Variants in AMPH observed in about 807,000 individuals in gnomAD.
AMPH encodes amphiphysin.
A neutral mutation model predicts 99.1 loss-of-function variants in AMPH; 49 were observed. That is an observed-to-expected ratio of 0.49 (90% CI 0.39 to 0.63). The LOEUF is 0.63. AMPH is among the 20% of genes least tolerant of loss of function. The pLI is 0.00. For synonymous variants in AMPH, 314 were observed against 317.3 expected (o/e 0.99, Z 0.11); for missense variants, 759 against 863.4 (o/e 0.88, Z 1.52).
At chr7:38,458,886 A>G (rs1056105084) in intron 11 of AMPH, among the ~76,000 whole-genome samples, 5 of 152,192 alleles carry the variant, frequency 3.3e-5, no homozygotes, top group Non-Finnish European at 5.9e-5. Context: ...GGCAAGATAA[A>G]GAAATAAAAG....
At chr7:38,439,620 G>A (rs3778884) in intron 11 of AMPH, among the ~76,000 whole-genome samples, 50,239 of 151,982 alleles carry the variant, frequency 0.33, 8,405 homozygotes, top group Admixed American at 0.39. Context: ...CACATGGTAT[G>A]GTCTCAACAT....
chr7:38,577,680 AAAG>A (rs556999469), intron 1 of AMPH, among the ~76,000 whole-genome samples: 18 of 151,954 alleles, frequency 1.2e-4, no homozygotes, highest in Non-Finnish European at 2.1e-4. Flanking sequence ...AGAAAGAAAA[AAAG>A]AGAAAGAGGG....
chr7:38,588,706 GAA>G (rs1037691277), intron 1 of AMPH, among the ~76,000 whole-genome samples: 1 of 149,324 alleles, frequency 6.7e-6, no homozygotes, highest in African/African-American at 2.5e-5. Flanking sequence ...GTATTTATTA[GAA>G]AAAAAAAGAT....
intron 11 of AMPH, among the ~76,000 whole-genome samples, chr7:38,447,775 CA>C (rs773953444): frequency 1.3e-4 from 20 of 149,678 alleles, no homozygotes; most frequent in East Asian, 1.9e-4. Context: ...CACACACACA[CA>C]CACCCATACA....
intron 11 of AMPH, among the ~76,000 whole-genome samples, chr7:38,444,749 G>A (rs1205917886): frequency 1.3e-5 from 2 of 150,384 alleles, no homozygotes; most frequent in Non-Finnish European, 1.5e-5. Flanking sequence ...TTGTGGTACA[G>A]CAGCCCAGGA....
intron 12 of AMPH, among the ~76,000 whole-genome samples, chr7:38,433,389 T>C (rs1245334078): frequency 6.6e-6 from 1 of 152,194 alleles, no homozygotes; most frequent in African/African-American, 2.4e-5. Context: ...GTTTTCTGAT[T>C]ATCTAGATGA....
chr7:38,403,664 C>T (rs956017054), intron 17 of AMPH, among the ~76,000 whole-genome samples: 3 of 152,172 alleles, frequency 2.0e-5, no homozygotes, highest in African/African-American at 2.4e-5. Context: ...GAGGCCGCCC[C>T]GAGGGAAGGG....
At chr7:38,551,331 C>G (rs996505907) in intron 1 of AMPH, among the ~76,000 whole-genome samples, 1 of 152,220 alleles carries the variant, frequency 6.6e-6, no homozygotes, top group African/African-American at 2.4e-5. Flanking sequence ...AATCCCTCCT[C>G]AGCAAGTGGC....
At chr7:38,441,918 G>A (rs1786571648) in intron 11 of AMPH, among the ~76,000 whole-genome samples, 1 of 130,318 alleles carries the variant, frequency 7.7e-6, no homozygotes, top group South Asian at 2.5e-4. Flanking sequence ...GGAATACTAT[G>A]CAGCCATAAA....
chr7:38,525,258 G>GTATATATATATATATATATA (rs141925117), intron 2 of AMPH, among the ~76,000 whole-genome samples: 2 of 111,210 alleles, frequency 1.8e-5, no homozygotes, highest in African/African-American at 4.0e-5. Flanking sequence ...GTGTGTGTGT[G>GTATATATATATATATATATA]TATATATATA....
intron 2 of AMPH, among the ~76,000 whole-genome samples, chr7:38,526,868 A>AT (rs916564962): frequency 4.6e-5 from 7 of 152,114 alleles, no homozygotes; most frequent in Non-Finnish European, 5.9e-5. Flanking sequence ...ATTTTCTCCT[A>AT]TTTTTTCCCA....
At position 38,441,814 on chromosome 7, in the gene AMPH, T is replaced by TATATGATAG. The variant is rs1359200946; in HGVS notation, c.1018-5427_1018-5426insCTATCATAT. ...TCATATATATCATATATATATCATA[T>TATATGATAG]ATATCATATATCATATATATCATAT... is the stretch of plus-strand genomic sequence containing the variant. On this transcript the variant is annotated intron_variant, in intron 11 of 20. Transcript: ENST00000356264. Among the ~76,000 whole-genome samples, 388 of 76,322 alleles carry TATATGATAG rather than the reference T, an allele frequency of 5.1e-3. 18 individuals are homozygous for TATATGATAG. Among genetic ancestry groups the TATATGATAG allele is most frequent in the African/African-American group, 0.017 (364 of 21,038 alleles). 50.1% of individuals were successfully genotyped at this position (76,322 alleles called of 152,430 possible).
At chr7:38,440,512 T>C (rs1402031589) in intron 11 of AMPH, among the ~76,000 whole-genome samples, 1 of 152,160 alleles carries the variant, frequency 6.6e-6, no homozygotes, top group Non-Finnish European at 1.5e-5. Flanking sequence ...TAACTATATG[T>C]GAGTTTTTAT....
At chr7:38,581,033 T>C (rs992155898) in intron 1 of AMPH, among the ~76,000 whole-genome samples, 1 of 152,214 alleles carries the variant, frequency 6.6e-6, no homozygotes, top group Non-Finnish European at 1.5e-5. Flanking sequence ...TTTCCATTCA[T>C]TCATTCACTT....
At chr7:38,580,624 C>T (rs140166193) in intron 1 of AMPH, among the ~76,000 whole-genome samples, 2 of 152,070 alleles carry the variant, frequency 1.3e-5, no homozygotes, top group Non-Finnish European at 2.9e-5. Context: ...CATATCAGTG[C>T]TATGACCTGA....
In AMPH at chr7:38,461,379, A is replaced by C. The variant is rs774321973; in HGVS notation, c.921T>G (p.Pro307=). The stretch of plus-strand genomic sequence containing the variant: ...GCAGTTCCTTTGTCGGGGTGACTTT[A>C]GGTAGAGGTGGGACAGGAGGCCCTT... ...TRKGPPVPPL[P]KVTPTKELQQ... Residue 307 remains proline, a synonymous_variant, in exon 11 of 21, where the codon CCT becomes CCG. Transcript: ENST00000356264. The C allele has an allele frequency of 1.9e-6, 3 of 1,614,174 alleles. No homozygotes were observed. Among genetic ancestry groups the C allele is most frequent in the Non-Finnish European group, 2.5e-6 (3 of 1,179,990 alleles).
chr7:38,435,992 C>T (rs928402267), intron 12 of AMPH, among the ~76,000 whole-genome samples: 1 of 152,166 alleles, frequency 6.6e-6, no homozygotes, highest in Non-Finnish European at 1.5e-5. Flanking sequence ...CTGAACAGTT[C>T]TGAGTGCAAC....
chr7:38,512,105 G>C (rs1172182518), intron 2 of AMPH, among the ~76,000 whole-genome samples: 2 of 152,140 alleles, frequency 1.3e-5, no homozygotes, highest in Non-Finnish European at 1.5e-5. Context: ...TGTGTATGTA[G>C]CTCTAGTATG....
chr7:38,480,733 T>C (rs760460553), intron 5 of AMPH, among the ~76,000 whole-genome samples: 3 of 152,184 alleles, frequency 2.0e-5, no homozygotes, highest in African/African-American at 4.8e-5. Flanking sequence ...GAACACCATG[T>C]GCCTATAAGG....
Sources: allele counts gnomAD v4.1 joint callset (sites outside exome capture counted in the v4.1 genomes callset), GRCh38; gene constraint gnomAD v4.1.1; transcripts MANE v1.5; gene names NCBI Gene and HGNC (gene_info 2026-07-23, HGNC 2026-07-21).